VWF: variants seen among roughly 807,000 people sequenced by gnomAD.
VWF encodes von Willebrand factor, also known as Factor VIII related antigen.
Under a neutral mutation model 308.6 loss-of-function variants are expected in VWF, and 176 were observed. That is an observed-to-expected ratio of 0.57 (90% CI 0.50 to 0.65). The LOEUF (loss-of-function observed/expected upper bound fraction) is 0.65. VWF is among the 30% of genes least tolerant of loss of function. The pLI is 0.00. For synonymous variants in VWF, 1,385 were observed against 1,443.4 expected (o/e 0.96, Z 0.92); for missense variants, 3,146 against 3,648.2 (o/e 0.86, Z 3.55).
At position 5,983,227 on chromosome 12, in the gene VWF, G is replaced by T. The variant is rs764430521; in HGVS notation, c.7004C>A (p.Pro2335His). The T allele has an allele frequency of 1.2e-6, 2 of 1,614,088 alleles. No homozygotes were observed. Among genetic ancestry groups the T allele is most frequent in the Non-Finnish European group, 1.7e-6 (2 of 1,180,008 alleles). ...GCCACGTTCACAGTGAGGCACTGGG[G>T]GCAGGTCACAGCTCACTGGGTCACA... The part of the protein sequence containing the change: ...CVCDPVSCDL[P>H]PVPHCERGLQ... Residue 2335 changes from proline to histidine, a missense_variant, in exon 41 of 52, where the codon CCC becomes CAC. Around this residue, in one of 3 missense-constraint regions of VWF, gnomAD observed 989 missense variants for 1,117.4 expected, o/e 0.89. Coordinates refer to ENST00000261405, the MANE Select transcript of VWF (RefSeq NM_000552.5).
At chr12:6,105,844 G>A (rs1188369896) in intron 5 of VWF, among the ~76,000 whole-genome samples, 1 of 151,752 alleles carries the variant, frequency 6.6e-6, no homozygotes, top group Non-Finnish European at 1.5e-5. Context: ...AGACCCTCCT[G>A]GCCAACATGG....
intron 42 of VWF, among the ~76,000 whole-genome samples, chr12:5,980,272 G>GGAGGGAGGGAGA: frequency 6.9e-6 from 1 of 145,874 alleles, no homozygotes; most frequent in Non-Finnish European, 1.5e-5. Context: ...AGGGAGGGAG[G>GGAGGGAGGGAGA]AGGACAGCTG....
intron 19 of VWF, among the ~76,000 whole-genome samples, chr12:6,035,674 G>A (rs1305194003): frequency 6.6e-6 from 1 of 152,204 alleles, no homozygotes; most frequent in Admixed American, 6.5e-5. Flanking sequence ...GGCAGTGTAA[G>A]GCCTGCAACG....
chr12:6,019,124 C>T lies in VWF; in HGVS notation c.4294G>A (p.Ala1432Thr), dbSNP rs764656927. Residue 1432 changes from alanine to threonine, a missense_variant, in exon 28 of 52, where the codon GCC becomes ACC. Coordinates refer to ENST00000261405, the MANE Select transcript of VWF (RefSeq NM_000552.5). This position sits in a 1 kb window ranked among gnomAD's most constrained non-coding sequence, Gnocchi z 5.8. Reference sequence around the variant, plus strand: ...AGCACGAAGGCCTTGTTCTCAGGGGCCTGCTTCTCGATGAGGCGGATCTGC... The same window carrying T: ...AGCACGAAGGCCTTGTTCTCAGGGGTCTGCTTCTCGATGAGGCGGATCTGC... ...LKQIRLIEKQAPENKAFVLSS... is the reference protein window; with the variant it reads ...LKQIRLIEKQTPENKAFVLSS... The T allele has an allele frequency of 2.5e-5, 40 of 1,613,780 alleles. No individual in the cohort carries two copies. The highest frequency in any genetic ancestry group is 3.1e-5 in the Non-Finnish European group (37 of 1,179,856).
intron 34 of VWF, among the ~76,000 whole-genome samples, chr12:6,004,103 A>C (rs186122805): frequency 7.2e-5 from 11 of 152,236 alleles, no homozygotes; most frequent in Admixed American, 2.0e-4. Flanking sequence ...AAAAGGATAA[A>C]TTTTATGTTA....
intron 38 of VWF, among the ~76,000 whole-genome samples, chr12:5,986,850 C>G (rs780077359): frequency 6.6e-6 from 1 of 152,224 alleles, no homozygotes; most frequent in African/African-American, 2.4e-5. Flanking sequence ...TTCCCACAGG[C>G]ACAGCGACAG....
intron 11 of VWF, 67 bp downstream of exon 11, chr12:6,065,070 T>C (rs1460634956): frequency 6.2e-7 from 1 of 1,610,446 alleles, no homozygotes; most frequent in Non-Finnish European, 8.5e-7. Flanking sequence ...GGACTGCCCA[T>C]TCAGCCTAGC....
chr12:6,122,587 G>A (rs1945443864), intron 2 of VWF: 1 of 344,114 alleles, frequency 2.9e-6, no homozygotes, highest in Admixed American at 4.1e-5. Flanking sequence ...CTGCTGACCT[G>A]AGAGATCTAA....
intron 50 of VWF, 26 bp from the exon 51 acceptor site, chr12:5,949,909 T>C (rs781064800): frequency 2.6e-5 from 41 of 1,606,126 alleles, no homozygotes; most frequent in Non-Finnish European, 3.3e-5. Context: ...GAGATGAAAC[T>C]TGAGGACTGG....
At chr12:6,022,314 C>A (rs1173566188) in intron 26 of VWF, among the ~76,000 whole-genome samples, 1 of 152,136 alleles carries the variant, frequency 6.6e-6, no homozygotes, top group East Asian at 1.9e-4. Flanking sequence ...TCTTTCTGCT[C>A]TTCTGAATAA....
intron 34 of VWF, among the ~76,000 whole-genome samples, chr12:6,004,781 GTAGT>G (rs370223481): frequency 1.8e-4 from 28 of 151,508 alleles, no homozygotes; most frequent in Non-Finnish European, 3.4e-4. Flanking sequence ...CAAATAATAA[GTAGT>G]TAAAGAACAT....
At chr12:5,960,331 C>T (rs974964392) in intron 47 of VWF, among the ~76,000 whole-genome samples, 3 of 151,836 alleles carry the variant, frequency 2.0e-5, no homozygotes, top group Non-Finnish European at 4.4e-5. Flanking sequence ...ATAGAAAATC[C>T]GTTTTTTTAT....
rs374312131 is a variant in VWF at position 6,016,155 on chromosome 12, C to T, written c.5389G>A (p.Val1797Ile). The T allele has an allele frequency of 5.0e-6, 8 of 1,614,202 alleles. No individual in the cohort carries two copies. The highest frequency in any genetic ancestry group is 5.9e-6 in the Non-Finnish European group (7 of 1,180,042). ...ACAGAGACGTCCGTGACCAGGATGA[C>T]CACCGCCTTTGAGGCTCCCGGCCTG... ...GARPGASKAV[V>I]ILVTDVSVDS... Residue 1797 changes from valine to isoleucine, a missense_variant, in exon 31 of 52, where the codon GTC (valine) becomes ATC (isoleucine). Around this residue, in one of 3 missense-constraint regions of VWF, gnomAD observed 853 missense variants for 1,177.8 expected, o/e 0.72. Coordinates refer to ENST00000261405, the MANE Select transcript of VWF (RefSeq NM_000552.5).
intron 25 of VWF, among the ~76,000 whole-genome samples, 174 bp from the exon 26 acceptor site, chr12:6,023,072 G>T (rs907780217): frequency 3.3e-5 from 5 of 151,462 alleles, no homozygotes; most frequent in African/African-American, 9.7e-5. Context: ...AGAATCTATT[G>T]GTTCTGAATT....
Position 5,991,981 on chromosome 12 carries a change from A to G in VWF, c.6636T>C (p.Cys2212=). 1 of 1,614,220 alleles carries G rather than the reference A, an allele frequency of 6.2e-7. No homozygotes were observed. Among genetic ancestry groups the G allele is most frequent in the East Asian group, 2.2e-5 (1 of 44,886 alleles). The change falls in exon 38 of 52, where the codon TGT becomes TGC. Residue 2212 remains cysteine (C), a synonymous_variant. Coordinates refer to ENST00000261405, the MANE Select transcript of VWF (RefSeq NM_000552.5). ...SCPPSLVYNH[C]EHGCPRHCDG... is the part of the protein sequence containing the mutation. ...CACAGTGCCGGGGACAGCCATGCTCACAGTGGTTGTAGACCAGAGATGGTG... is the reference window on the plus strand; with the variant it reads ...CACAGTGCCGGGGACAGCCATGCTCGCAGTGGTTGTAGACCAGAGATGGTG...
rs139196998 is a variant in VWF at position 6,057,965 on chromosome 12, G to A, written c.1613C>T (p.Pro538Leu). The A allele has an allele frequency of 4.6e-4, 748 of 1,613,768 alleles. 11 individuals carry two copies. In the East Asian group the frequency reaches 0.013, roughly 29 times the overall value. Residue 538 changes from proline to leucine, a missense_variant, in exon 14 of 52, where the codon CCC (proline) becomes CTC (leucine). Pro to Leu is a moderately conservative substitution (Grantham distance 98). Around this residue, in one of 3 missense-constraint regions of VWF, gnomAD observed 1,304 missense variants for 1,353.0 expected, o/e 0.96. Transcript: ENST00000261405. Reference sequence around the variant, plus strand: ...CACCCGGGGCTCCGCCAGCCCAGAGGGGGTAAGGAAGTCGTCGCCCTGGTT... The same window carrying A: ...CACCCGGGGCTCCGCCAGCCCAGAGAGGGTAAGGAAGTCGTCGCCCTGGTT... ...NGNQGDDFLT[P>L]SGLAEPRVED... is the part of the protein sequence containing the mutation.
At chr12:6,079,609 C>T (rs1418455429) in intron 6 of VWF, among the ~76,000 whole-genome samples, 4 of 136,110 alleles carry the variant, frequency 2.9e-5, no homozygotes, top group East Asian at 2.0e-4. Flanking sequence ...GACTCTGTCT[C>T]GAAAAAAAAA....
chr12:6,055,561 T>C (rs547238598), intron 15 of VWF, among the ~76,000 whole-genome samples: 169 of 152,158 alleles, frequency 1.1e-3, no homozygotes, highest in African/African-American at 3.8e-3. Context: ...GTCCCTTTCG[T>C]CCTTACTGTT....
intron 34 of VWF, among the ~76,000 whole-genome samples, chr12:6,008,936 C>T (rs1161591926): frequency 6.6e-6 from 1 of 152,002 alleles, no homozygotes; most frequent in African/African-American, 2.4e-5. Flanking sequence ...ACAAAGTTAA[C>T]CCAAAATCAA....
Sources: allele counts gnomAD v4.1 joint callset (sites outside exome capture counted in the v4.1 genomes callset), GRCh38; gene constraint gnomAD v4.1.1; regional missense constraint gnomAD v4.1.1; non-coding constraint Gnocchi (gnomAD v3.1); transcripts MANE v1.5; gene names NCBI Gene and HGNC (gene_info 2026-07-23, HGNC 2026-07-21).